Variants in ZFYVE26 observed in about 807,000 individuals in gnomAD.
ZFYVE26 encodes the protein zinc finger FYVE-type containing 26.
A neutral mutation model predicts 276.5 loss-of-function variants in ZFYVE26; 181 were observed. The observed-to-expected ratio is 0.65, with a 90% confidence interval of 0.58 to 0.74. The LOEUF (loss-of-function observed/expected upper bound fraction) is 0.74. Ranked by LOEUF, ZFYVE26 falls within the 30% of genes least tolerant of loss-of-function variation. The pLI is 0.00. For missense variants in ZFYVE26, 2,821 were observed against 3,097.9 expected, an observed-to-expected ratio of 0.91 and a Z score of 2.12; for synonymous variants, 1,129 against 1,203.1, an observed-to-expected ratio of 0.94 and a Z score of 1.27.
At chr14:67,776,220 G>A (rs1285074670) in intron 25 of ZFYVE26, 114 bp from the exon 26 acceptor site, 8 of 1,455,242 alleles carry the variant, frequency 5.5e-6, no homozygotes, top group Admixed American at 3.5e-5. Flanking sequence ...TGCATAGCCA[G>A]CTACTGAAAC....
chr14:67,788,726 A>G (rs1295620432), intron 16 of ZFYVE26, among the ~76,000 whole-genome samples: 1 of 152,158 alleles, frequency 6.6e-6, no homozygotes, highest in Non-Finnish European at 1.5e-5. Context: ...GGGGCTACTC[A>G]TATCATAACC....
intron 14 of ZFYVE26, 134 bp from the exon 15 acceptor site, chr14:67,790,907 T>C (rs2039797430): frequency 1.2e-6 from 1 of 801,274 alleles, no homozygotes; most frequent in Non-Finnish European, 2.2e-6. Context: ...AGAAGAGCAC[T>C]GAATGTTAGA....
chr14:67,767,613 G>A, intron 31 of ZFYVE26, 91 bp downstream of exon 31: 1 of 1,545,732 alleles, frequency 6.5e-7, no homozygotes, highest in Non-Finnish European at 8.9e-7. Context: ...ACAAGTAAAG[G>A]CCAGGTGTGT....
intron 37 of ZFYVE26, among the ~76,000 whole-genome samples, chr14:67,754,825 G>A (rs1439860012): frequency 6.6e-6 from 1 of 152,140 alleles, no homozygotes; most frequent in East Asian, 1.9e-4. Context: ...AGTATGGAGT[G>A]TAGTCTGATT....
chr14:67,736,752 A>G (rs2038357574), intron 13 of ZFYVE26, among the ~76,000 whole-genome samples: 1 of 152,230 alleles, frequency 6.6e-6, no homozygotes, highest in Admixed American at 6.5e-5. Flanking sequence ...ACATTTGCAC[A>G]CAGCAAATTT....
intron 41 of ZFYVE26, chr14:67,750,840 A>C (rs1388105219): frequency 7.8e-6 from 5 of 644,460 alleles, no homozygotes; most frequent in Non-Finnish European, 1.4e-5. Context: ...AGACTTGGGA[A>C]GGCAAAGACG....
chr14:67,792,069 A>G (rs1254240836), intron 14 of ZFYVE26, among the ~76,000 whole-genome samples: 1 of 150,160 alleles, frequency 6.7e-6, no homozygotes, highest in Non-Finnish European at 1.5e-5. Context: ...CAAAAAAAAA[A>G]AAAAAGAAAA....
intron 16 of ZFYVE26, 97 bp downstream of exon 16, chr14:67,789,238 C>T: frequency 1.3e-6 from 2 of 1,544,086 alleles, no homozygotes; most frequent in Non-Finnish European, 1.8e-6. Flanking sequence ...CCATCTGCCT[C>T]CTCCAATAAC....
chr14:67,795,167 T>G (rs2039923629), intron 12 of ZFYVE26, among the ~76,000 whole-genome samples: 1 of 152,230 alleles, frequency 6.6e-6, no homozygotes, highest in African/African-American at 2.4e-5. Flanking sequence ...GGAAGCCCTT[T>G]AGAAGGAACA....
chr14:67,803,332 C>T (rs1340334374), intron 9 of ZFYVE26, among the ~76,000 whole-genome samples: 6 of 152,192 alleles, frequency 3.9e-5, no homozygotes, highest in South Asian at 2.1e-4. Context: ...GCTTTGTTCC[C>T]GTTTCAGACA....
chr14:67,752,574 G>T (rs772027745), intron 39 of ZFYVE26, 48 bp from the exon 40 acceptor site: 6 of 1,599,668 alleles, frequency 3.8e-6, no homozygotes, highest in Non-Finnish European at 5.1e-6. Flanking sequence ...AAACGTTAAC[G>T]GTGGGGAGGG....
chr14:67,789,521 C>T lies in ZFYVE26; in HGVS notation c.2833G>A (p.Glu945Lys). 4.3e-6 allele frequency: 7 copies of T among 1,614,158 alleles called. No individual in the cohort carries two copies. Among genetic ancestry groups the T allele is most frequent in the Non-Finnish European group, 5.9e-6 (7 of 1,180,040 alleles). Residue 945 changes from glutamate to lysine, a missense_variant, in exon 16 of 42, where the codon GAG (glutamate) becomes AAG (lysine). Physicochemically the swap from Glu to Lys is moderately conservative, Grantham distance 56. Coordinates refer to ENST00000347230, the MANE Select transcript of ZFYVE26 (RefSeq NM_015346.4). ...AGAGCCGTGCTTATCCAAAAGTCCT[C>T]CTGGAGCATGGGGATGGGGTCTCCA... is the stretch of plus-strand genomic sequence containing the variant. ...TSGDPIPMLQ[E>K]DFWISTALVE...
chr14:67,802,889 A>G (rs2040106830), intron 9 of ZFYVE26, among the ~76,000 whole-genome samples: 1 of 152,220 alleles, frequency 6.6e-6, no homozygotes, highest in South Asian at 2.1e-4. Flanking sequence ...GCCATGTAAG[A>G]AAGTTTGTGT....
chr14:67,729,155 T>TG, intron 14 of ZFYVE26: 2 of 1,603,194 alleles, frequency 1.2e-6, no homozygotes, highest in South Asian at 2.2e-5. Context: ...GGGCTCAGAG[T>TG]GTGTCCCTGA....
At chr14:67,776,203 CA>C in intron 25 of ZFYVE26, 97 bp from the exon 26 acceptor site, 2 of 1,549,664 alleles carry the variant, frequency 1.3e-6, no homozygotes, top group South Asian at 1.1e-5. Flanking sequence ...TGCATGAGAA[CA>C]AAAGGTGCAT....
At chr14:67,738,162 T>C (rs1364165634) in intron 13 of ZFYVE26, among the ~76,000 whole-genome samples, 1 of 151,892 alleles carries the variant, frequency 6.6e-6, no homozygotes, top group African/African-American at 2.4e-5. Context: ...GGTGGAGCCA[T>C]TTCTACCAGC....
At position 67,762,293 on chromosome 14, in the gene ZFYVE26, TGGG is replaced by T. The variant is rs755756797; in HGVS notation, c.6276_6278del (p.Pro2093del). 3.1e-6 allele frequency: 5 copies of T among 1,614,004 alleles called. No homozygotes were observed. Among genetic ancestry groups the T allele is most frequent in the Non-Finnish European group, 4.2e-6 (5 of 1,180,012 alleles). ...CATGATTCAGCTGATTGAGGTCAAATGGGGGCTTCAGACAGCGACTGAACTTCT... is the reference window on the plus strand; with the variant it reads ...CATGATTCAGCTGATTGAGGTCAAATGGCTTCAGACAGCGACTGAACTTCT... On this transcript the variant is annotated inframe_deletion, in exon 34 of 42. Coordinates refer to ENST00000347230, the MANE Select transcript of ZFYVE26 (RefSeq NM_015346.4).
At chr14:67,730,608 A>G (rs1389602096) in intron 13 of ZFYVE26, among the ~76,000 whole-genome samples, 1 of 152,126 alleles carries the variant, frequency 6.6e-6, no homozygotes, top group Non-Finnish European at 1.5e-5. Context: ...TCTGATCCCA[A>G]GCATTTTTTT....
intron 28 of ZFYVE26, 34 bp from the exon 29 acceptor site, chr14:67,769,764 G>A (rs1004928208): frequency 1.9e-6 from 3 of 1,613,652 alleles, no homozygotes; most frequent in Non-Finnish European, 2.5e-6. Context: ...AAGAAAGAGG[G>A]AGGAGAGAAG....
Sources: gnomAD v4.1 joint callset for allele counts (sites outside exome capture counted in the v4.1 genomes callset) on GRCh38, gnomAD v4.1.1 for gene constraint, MANE v1.5 for transcripts, NCBI Gene and HGNC (gene_info 2026-07-23, HGNC 2026-07-21) for gene names.